WDR41: variants seen among roughly 807,000 people sequenced by gnomAD.
The protein encoded by WDR41 is WD repeat-containing protein 41.
A neutral mutation model predicts 69.3 loss-of-function variants in WDR41; 63 were observed. The ratio of observed to expected loss-of-function variants is 0.91; its 90% CI spans 0.74 to 1.12. The LOEUF is 1.12. Ranked by LOEUF, WDR41 falls within the 50% of genes most tolerant of loss-of-function variation. The pLI, the probability that WDR41 is intolerant of heterozygous loss-of-function variation, is 0.00. For synonymous variants in WDR41, 185 were observed against 192.1 expected, an observed-to-expected ratio of 0.96 and a Z score of 0.31; for missense variants, 543 against 534.5, an observed-to-expected ratio of 1.02 and a Z score of -0.16.
Position 77,433,371 on chromosome 5 carries a change from A to C in WDR41, c.1228-84T>G, listed in dbSNP as rs186266395. 3.0e-5 allele frequency: 38 copies of C among 1,280,040 alleles called. No individual in the cohort carries two copies. The Admixed American group carries it at 6.9e-4, about 23-fold the overall frequency. The allele number at this position is 1,280,040 out of a possible 1,614,324, so 79.3% of individuals were successfully genotyped here. A position where few individuals can be genotyped will look rare whatever the true frequency, so the allele number is the denominator to read the frequency against. On this transcript the variant is annotated intron_variant, in intron 12 of 12. Transcript: ENST00000296679. ...CCACATTAACACATGTGCGTGTGAG[A>C]TATGTGCCTTAAAGACTCCTTTGGA...
intron 2 of WDR41, among the ~76,000 whole-genome samples, chr5:77,469,946 C>T (rs922049399): frequency 4.0e-5 from 6 of 151,364 alleles, no homozygotes; most frequent in Non-Finnish European, 5.9e-5. Context: ...AGATACTCCT[C>T]GAGAAGAGCA....
rs1338917139 is a variant in WDR41 at position 77,600,922 on chromosome 5, T to C, written c.42+19557A>G. On this transcript the variant is annotated intron_variant, in intron 1 of 5. Coordinates refer to the WDR41 transcript ENST00000509971. ...TAACTAAAATTATATTATCTAACTC[T>C]GTGTGTATGTGTGTGTGTGTGTGTG... 3.2e-5 allele frequency among the ~76,000 whole-genome samples: 4 copies of C among 123,826 alleles called. No individual in the cohort carries two copies. In the East Asian group the frequency reaches 8.4e-4, roughly 26 times the overall value. The allele number at this position is 123,826 out of a possible 152,430, so 81.2% of individuals were successfully genotyped here.
At chr5:77,506,547 A>G (rs913810715) in intron 1 of WDR41, among the ~76,000 whole-genome samples, 3 of 152,234 alleles carry the variant, frequency 2.0e-5, no homozygotes, top group Non-Finnish European at 4.4e-5. Context: ...GTATATACCC[A>G]AAGGGTTATA....
Position 77,572,106 on chromosome 5 carries a change from T to TA in WDR41, c.42+48372dup, listed in dbSNP as rs922037883. Among the ~76,000 whole-genome samples, 50 of 151,636 alleles carry TA rather than the reference T, an allele frequency of 3.3e-4. No homozygotes were observed. The South Asian group carries it at 4.4e-3, about 13-fold the overall frequency. ...ATGAAAGGGAGTTAGGAAGATAGGC[T>TA]AAAAAAAAGGGAGAAGAAGGTTCAC... On this transcript the variant is annotated intron_variant, in intron 1 of 5. Transcript: ENST00000509971.
chr5:77,607,310 C>T (rs1453595586), intron 1 of WDR41, among the ~76,000 whole-genome samples: 4 of 152,078 alleles, frequency 2.6e-5, no homozygotes, highest in Non-Finnish European at 5.9e-5. Context: ...AGAAAACTTC[C>T]ACAGGACTTA....
chr5:77,534,827 G>C (rs1742935175), intron 1 of WDR41, among the ~76,000 whole-genome samples: 1 of 152,172 alleles, frequency 6.6e-6, no homozygotes, highest in South Asian at 2.1e-4. Context: ...AGTAGGTCCT[G>C]CTCTCAGAGA....
intron 1 of WDR41, among the ~76,000 whole-genome samples, chr5:77,607,660 G>C (rs1744448495): frequency 6.6e-6 from 1 of 152,162 alleles, no homozygotes; most frequent in African/African-American, 2.4e-5. Context: ...GGTGTCTCAG[G>C]ATAATGAAGA....
intron 1 of WDR41, among the ~76,000 whole-genome samples, chr5:77,570,244 T>C (rs6875988): frequency 0.023 from 3,512 of 152,086 alleles, 116 homozygotes; most frequent in African/African-American, 0.077. Flanking sequence ...GCTATACTAT[T>C]GAATTTTTCT....
chr5:77,563,859 CCT>C (rs753717790), intron 1 of WDR41, among the ~76,000 whole-genome samples: 97 of 152,076 alleles, frequency 6.4e-4, no homozygotes, highest in Admixed American at 4.4e-3. Flanking sequence ...TTTTGATCCC[CCT>C]GAGTGTGAAT....
chr5:77,476,363 C>T (rs1800930483), intron 2 of WDR41, among the ~76,000 whole-genome samples: 1 of 151,126 alleles, frequency 6.6e-6, no homozygotes, highest in Non-Finnish European at 1.5e-5. Context: ...CTCCAAGACA[C>T]ATAATTGTCA....
chr5:77,602,182 C>T (rs901186628), intron 1 of WDR41, among the ~76,000 whole-genome samples: 18 of 151,658 alleles, frequency 1.2e-4, no homozygotes, highest in Admixed American at 1.3e-4. Context: ...TCTTGTTGCC[C>T]AGGCTGGAGT....
intron 1 of WDR41, among the ~76,000 whole-genome samples, chr5:77,535,772 A>G (rs1238390069): frequency 2.6e-5 from 4 of 152,210 alleles, no homozygotes; most frequent in Non-Finnish European, 5.9e-5. Context: ...GCCTCTGCCC[A>G]TGGATTAGAG....
chr5:77,616,873 A>G (rs907720734), intron 1 of WDR41, among the ~76,000 whole-genome samples: 2 of 152,188 alleles, frequency 1.3e-5, no homozygotes, highest in African/African-American at 4.8e-5. Flanking sequence ...CTTGGTAGTT[A>G]AGACTTTCTT....
intron 5 of WDR41, among the ~76,000 whole-genome samples, chr5:77,456,967 G>C (rs925126912): frequency 6.6e-6 from 1 of 152,122 alleles, no homozygotes; most frequent in Admixed American, 6.5e-5. Flanking sequence ...GTCTCCCAAA[G>C]CGCTGGGATT....
At position 77,432,699 on chromosome 5, in the gene WDR41, G is replaced by T. The variant is rs1798772838; in HGVS notation, c.*436C>A. 6.5e-6 allele frequency: 1 copy of T among 153,480 alleles called. No individual in the cohort carries two copies. Among genetic ancestry groups the T allele is most frequent in the Non-Finnish European group, 1.5e-5 (1 of 68,922 alleles). The allele number at this position is 153,480 out of a possible 1,614,324, so 9.5% of individuals were successfully genotyped here. A position where few individuals can be genotyped will look rare whatever the true frequency, so the allele number is the denominator to read the frequency against. On this transcript the variant is annotated 3_prime_UTR_variant, in exon 13 of 13. Coordinates refer to ENST00000296679, the MANE Select transcript of WDR41 (RefSeq NM_018268.4). ...TTTTTTGGCTGAGAGATTCAAGTTT[G>T]TGCTATATAGAACACTAACAGTTAC... is the stretch of plus-strand genomic sequence containing the variant.
intron 1 of WDR41, among the ~76,000 whole-genome samples, chr5:77,505,342 G>A (rs1802089071): frequency 6.6e-6 from 1 of 152,116 alleles, no homozygotes; most frequent in Non-Finnish European, 1.5e-5. Flanking sequence ...ACCTCTTCAA[G>A]GAGAACTACA....
At chr5:77,558,848 C>T (rs1466722659) in intron 1 of WDR41, among the ~76,000 whole-genome samples, 1 of 149,602 alleles carries the variant, frequency 6.7e-6, no homozygotes, top group Non-Finnish European at 1.5e-5. Flanking sequence ...TATGTGATTA[C>T]TTTCATCCTT....
intron 11 of WDR41, among the ~76,000 whole-genome samples, 192 bp from the exon 12 acceptor site, chr5:77,436,586 T>C (rs115048713): frequency 3.2e-4 from 49 of 152,364 alleles, no homozygotes; most frequent in African/African-American, 1.1e-3. Context: ...GGTCTGTTCT[T>C]CATCTCTTTT....
intron 8 of WDR41, among the ~76,000 whole-genome samples, chr5:77,447,738 A>T (rs1799442234): frequency 6.6e-6 from 1 of 152,166 alleles, no homozygotes; most frequent in Admixed American, 6.5e-5. Flanking sequence ...GGACACAGAG[A>T]GGGGAACAAC....
Sources: gnomAD v4.1 joint callset for allele counts (sites outside exome capture counted in the v4.1 genomes callset) on GRCh38, gnomAD v4.1.1 for gene constraint, MANE v1.5 for transcripts, NCBI Gene and HGNC (gene_info 2026-07-23, HGNC 2026-07-21) for gene names.